The following LHPP variants were observed in gnomAD, a reference collection of about 807,000 sequenced individuals.
LHPP encodes hLHPP.
A neutral mutation model predicts 30.3 loss-of-function variants in LHPP; 24 were observed. The observed-to-expected ratio is 0.79, with a 90% CI of 0.57 to 1.11. LHPP has a LOEUF of 1.11. Among genes scored for constraint, LHPP ranks in the 50% most tolerant of loss-of-function variants. The pLI is 0.00. For missense variants in LHPP, 356 were observed against 367.2 expected (o/e 0.97, Z 0.25); for synonymous variants, 150 against 157.1 (o/e 0.95, Z 0.34).
Position 124,581,762 on chromosome 10 carries a change from TGTATATACAC to T in LHPP, c.717-31501_717-31492del, listed in dbSNP as rs1948745105. 6.6e-5 allele frequency among the ~76,000 whole-genome samples: 3 copies of T among 45,158 alleles called. No individual in the cohort carries two copies. In the South Asian group the frequency reaches 1.6e-3, roughly 25 times the overall value. The allele number at this position is 45,158 out of a possible 152,430, so 29.6% of individuals were successfully genotyped here. A position where few individuals can be genotyped will look rare whatever the true frequency, so the allele number is the denominator to read the frequency against. On this transcript the variant is annotated intron_variant, in intron 6 of 6. Transcript: ENST00000368842. ...TGCACAATTTTAATACATACATATA[TGTATATACAC>T]ACACACACACACACACATTTTTTCT...
At chr10:124,501,601 TAAAAAAAAAAA>T (rs1046422221) in intron 5 of LHPP, among the ~76,000 whole-genome samples, 2 of 116,410 alleles carry the variant, frequency 1.7e-5, no homozygotes, top group East Asian at 2.4e-4. Flanking sequence ...GACTCTGTCT[TAAAAAAAAAAA>T]AAAAAAAAAG....
At chr10:124,602,686 C>T (rs1217865906) in intron 6 of LHPP, among the ~76,000 whole-genome samples, 3 of 152,136 alleles carry the variant, frequency 2.0e-5, no homozygotes, top group Non-Finnish European at 1.5e-5. Flanking sequence ...CTGGGCACCA[C>T]CCACTGGAAG....
At chr10:124,484,858 T>A (rs1953272090) in intron 2 of LHPP, among the ~76,000 whole-genome samples, 1 of 152,152 alleles carries the variant, frequency 6.6e-6, no homozygotes. Flanking sequence ...GATTTTAGTC[T>A]GAATGCAAGA....
At chr10:124,514,574 T>C (rs1954398751) in intron 5 of LHPP, among the ~76,000 whole-genome samples, 1 of 152,222 alleles carries the variant, frequency 6.6e-6, no homozygotes, top group African/African-American at 2.4e-5. Context: ...TTCGTTTCTC[T>C]GTACATAACA....
At chr10:124,609,294 A>G (rs142525859) in intron 6 of LHPP, among the ~76,000 whole-genome samples, 1 of 152,298 alleles carries the variant, frequency 6.6e-6, no homozygotes, top group African/African-American at 2.4e-5. Context: ...CCAGGTTGGA[A>G]TGCAGTGGTG....
intron 3 of LHPP, among the ~76,000 whole-genome samples, chr10:124,488,808 C>T (rs1953420306): frequency 1.3e-5 from 2 of 152,048 alleles, no homozygotes; most frequent in South Asian, 2.1e-4. Flanking sequence ...ATCAAGCTTC[C>T]ATGTGGAGTC....
chr10:124,565,654 C>T (rs777299081), intron 6 of LHPP, among the ~76,000 whole-genome samples: 1 of 152,328 alleles, frequency 6.6e-6, no homozygotes, highest in Admixed American at 6.5e-5. Flanking sequence ...GCGCCCCAGG[C>T]GGCCACTGTC....
chr10:124,566,765 A>G (rs952712779), intron 6 of LHPP, among the ~76,000 whole-genome samples: 1 of 151,858 alleles, frequency 6.6e-6, no homozygotes, highest in African/African-American at 2.4e-5. Context: ...CAGAGGGAGG[A>G]GGCTGAGAGT....
intron 5 of LHPP, chr10:124,498,792 C>T (rs1953812109): frequency 4.6e-6 from 2 of 436,608 alleles, no homozygotes; most frequent in East Asian, 7.1e-5. Flanking sequence ...ATCTCAGTGC[C>T]CCCTTAACCC....
chr10:124,582,840 A>AT (rs146938942), intron 6 of LHPP, among the ~76,000 whole-genome samples: 2,207 of 142,644 alleles, frequency 0.015, 58 homozygotes, highest in African/African-American at 0.053. Context: ...CCTTGTCTCT[A>AT]TTCAAAAAAA....
intron 6 of LHPP, among the ~76,000 whole-genome samples, chr10:124,610,801 TGAGG>T (rs1949177001): frequency 9.1e-6 from 1 of 109,586 alleles, no homozygotes; most frequent in African/African-American, 3.6e-5. Flanking sequence ...AGGGTGCGGG[TGAGG>T]GTGCTGATGG....
intron 1 of LHPP, among the ~76,000 whole-genome samples, chr10:124,467,019 G>A (rs1009047145): frequency 1.3e-5 from 2 of 151,814 alleles, no homozygotes; most frequent in Admixed American, 6.6e-5. Context: ...AACTACTTGG[G>A]AGGCTGAGGC....
At chr10:124,538,874 G>A (rs1955106832) in intron 6 of LHPP, among the ~76,000 whole-genome samples, 1 of 152,224 alleles carries the variant, frequency 6.6e-6, no homozygotes, top group Non-Finnish European at 1.5e-5. Context: ...CTCAGCTCCT[G>A]CAGCCGTGGC....
intron 6 of LHPP, among the ~76,000 whole-genome samples, chr10:124,524,601 A>G (rs553589008): frequency 6.6e-6 from 1 of 152,124 alleles, no homozygotes; most frequent in African/African-American, 2.4e-5. Flanking sequence ...CATTTGAAAA[A>G]TTTAGAAAAA....
chr10:124,599,087 C>T (rs1948989877), intron 6 of LHPP, among the ~76,000 whole-genome samples: 1 of 151,860 alleles, frequency 6.6e-6, no homozygotes, highest in Non-Finnish European at 1.5e-5. Context: ...TGATGCAGTG[C>T]CTGCCGTCCA....
chr10:124,495,701 A>AT (rs1445218700), intron 3 of LHPP, among the ~76,000 whole-genome samples: 2 of 152,074 alleles, frequency 1.3e-5, no homozygotes, highest in Non-Finnish European at 2.9e-5. Context: ...GGCTGTGTTC[A>AT]TTTTTTCCTT....
chr10:124,477,246 G>C (rs1952978494), intron 1 of LHPP, among the ~76,000 whole-genome samples: 1 of 152,158 alleles, frequency 6.6e-6, no homozygotes, highest in Non-Finnish European at 1.5e-5. Flanking sequence ...GAGGGCCTGG[G>C]GCTGGTGCTG....
At chr10:124,568,507 T>G (rs978214736) in intron 6 of LHPP, among the ~76,000 whole-genome samples, 3 of 152,228 alleles carry the variant, frequency 2.0e-5, no homozygotes, top group Non-Finnish European at 4.4e-5. Context: ...TGCTTAGCCC[T>G]GCGCTTGTGA....
chr10:124,543,172 C>T (rs572991117), intron 6 of LHPP, among the ~76,000 whole-genome samples: 1 of 152,214 alleles, frequency 6.6e-6, no homozygotes, highest in Non-Finnish European at 1.5e-5. Flanking sequence ...CGTTCCAGCT[C>T]GGGCAGTACA....
Sources: gnomAD v4.1 joint callset for allele counts (sites outside exome capture counted in the v4.1 genomes callset) on GRCh38, gnomAD v4.1.1 for gene constraint, MANE v1.5 for transcripts, NCBI Gene and HGNC (gene_info 2026-07-23, HGNC 2026-07-21) for gene names.